The following PCDHA12 variants were observed in gnomAD, a reference collection of about 807,000 sequenced individuals.
The protein encoded by PCDHA12 is protocadherin alpha-12.
Under a neutral mutation model 60.0 loss-of-function variants are expected in PCDHA12, and 44 were observed. That is an observed-to-expected ratio of 0.73 (90% CI 0.58 to 0.94). The LOEUF is 0.94. Ranked by LOEUF, PCDHA12 falls within the 40% of genes least tolerant of loss-of-function variation. The probability of loss-of-function intolerance (pLI) is 0.00; values close to 1 mark genes in which losing one functional copy is unlikely to be tolerated. For synonymous variants in PCDHA12, 569 were observed against 553.0 expected (o/e 1.03, Z -0.40); for missense variants, 1,276 against 1,239.7 (o/e 1.03, Z -0.44).
chr5:140,934,305 A>T, intron 1 of PCDHA12, among the ~76,000 whole-genome samples: 1 of 152,150 alleles, frequency 6.6e-6, no homozygotes, highest in African/African-American at 2.4e-5. Flanking sequence ...TATTTTTCTT[A>T]CTGCAAATGT....
At chr5:140,924,507 C>T (rs2081871616) in intron 1 of PCDHA12, among the ~76,000 whole-genome samples, 1 of 152,168 alleles carries the variant, frequency 6.6e-6, no homozygotes, top group African/African-American at 2.4e-5. Context: ...CAATCCCACT[C>T]TTAGTGTTAA....
chr5:140,904,912 T>C (rs2071465626), intron 1 of PCDHA12, among the ~76,000 whole-genome samples: 1 of 152,236 alleles, frequency 6.6e-6, no homozygotes, highest in Non-Finnish European at 1.5e-5. Flanking sequence ...TACTGATTTG[T>C]TTGACTTCCT....
In PCDHA12 at chr5:141,010,171, A is replaced by G. The variant is rs2098416277; in HGVS notation, c.*234A>G. On this transcript the variant is annotated 3_prime_UTR_variant, in exon 4 of 4. Transcript: ENST00000398631. ...CCACTCTGGCTTGTTTTCAGAACCTAAAAAGCAGACCCAAGTTTCCTTTCT... is the reference window on the plus strand; with the variant it reads ...CCACTCTGGCTTGTTTTCAGAACCTGAAAAGCAGACCCAAGTTTCCTTTCT... The G allele has an allele frequency of 3.2e-6, 5 of 1,559,030 alleles. No individual in the cohort carries two copies. Among genetic ancestry groups the G allele is most frequent in the Non-Finnish European group, 4.3e-6 (5 of 1,150,704 alleles).
chr5:141,004,531 C>A (rs1051693064), intron 3 of PCDHA12, among the ~76,000 whole-genome samples: 2 of 152,234 alleles, frequency 1.3e-5, no homozygotes, highest in Admixed American at 1.3e-4. Flanking sequence ...ATACACACAG[C>A]CATTAATGTC....
At chr5:141,006,995 A>C (rs1277177404) in intron 3 of PCDHA12, among the ~76,000 whole-genome samples, 1 of 152,208 alleles carries the variant, frequency 6.6e-6, no homozygotes, top group Non-Finnish European at 1.5e-5. Flanking sequence ...TTAAAATATA[A>C]GTCTGCATCT....
chr5:140,999,812 G>A (rs1305602487), intron 3 of PCDHA12, among the ~76,000 whole-genome samples: 2 of 152,270 alleles, frequency 1.3e-5, no homozygotes, highest in East Asian at 3.9e-4. Flanking sequence ...CACAAAGCAA[G>A]AGCTGTGGCT....
rs1316774875 is a variant in PCDHA12 at position 140,883,076 on chromosome 5, G to T, written c.2367+5237G>T. The T allele has an allele frequency of 3.1e-6, 5 of 1,614,032 alleles. No homozygotes were observed. Among genetic ancestry groups the T allele is most frequent in the Middle Eastern group, 1.6e-4 (1 of 6,084 alleles). On this transcript the variant is annotated intron_variant, in intron 1 of 3. Transcript: ENST00000398631. ...GATCAAGCTAAATGCCACAGATCCT[G>T]ATGATGGTACAAATGGAGATATAGT...
intron 1 of PCDHA12, chr5:140,967,579 C>T: frequency 7.4e-6 from 12 of 1,614,154 alleles, no homozygotes; most frequent in Non-Finnish European, 9.3e-6. Context: ...AGGACTCACC[C>T]CCAGGCACAT....
chr5:140,905,632 G>A lies in PCDHA12; in HGVS notation c.2367+27793G>A, dbSNP rs146826869. 9.9e-4 allele frequency among the ~76,000 whole-genome samples: 150 copies of A among 152,224 alleles called. 1 individual carries two copies. Among genetic ancestry groups the A allele is most frequent in the African/African-American group, 3.4e-3 (141 of 41,546 alleles). ...TCTATAGATTGCTTTTGACAGTATG[G>A]TCAGTTTCACAGTATTGATTCCTGT... On this transcript the variant is annotated intron_variant, in intron 1 of 3. Transcript: ENST00000398631.
At position 140,882,742 on chromosome 5, in the gene PCDHA12, C is replaced by G. The variant is rs372229324; in HGVS notation, c.2367+4903C>G. Reference sequence around the variant, plus strand: ...CTCGATTTCCACTAGATGGCGCATCCGATGCAGATATTGGAGTAAACTCGG... The same window carrying G: ...CTCGATTTCCACTAGATGGCGCATCGGATGCAGATATTGGAGTAAACTCGG... On this transcript the variant is annotated intron_variant, in intron 1 of 3. Coordinates refer to ENST00000398631, the MANE Select transcript of PCDHA12 (RefSeq NM_018903.4). 126 of 1,614,092 alleles carry G rather than the reference C, an allele frequency of 7.8e-5. 1 individual carries two copies. The Middle Eastern group carries it at 1.6e-3, about 21-fold the overall frequency.
Position 140,980,544 on chromosome 5 carries a change from C to T in PCDHA12, c.2426+1537C>T, listed in dbSNP as rs111386744. 4.0e-3 allele frequency among the ~76,000 whole-genome samples: 611 copies of T among 152,160 alleles called. 1 individual carries two copies. The highest frequency in any genetic ancestry group is 0.013 in the African/African-American group (560 of 41,516). On this transcript the variant is annotated intron_variant, in intron 2 of 3. Coordinates refer to ENST00000398631, the MANE Select transcript of PCDHA12 (RefSeq NM_018903.4). ...ACTAGGGAGGCTGAGGCAGGAGAAT[C>T]GCTTGAACCCGGGAGGCGGAAGTTG...
intron 3 of PCDHA12, among the ~76,000 whole-genome samples, chr5:140,995,476 A>G (rs2097685199): frequency 6.6e-6 from 1 of 152,210 alleles, no homozygotes; most frequent in Non-Finnish European, 1.5e-5. Flanking sequence ...TTTTTCATTT[A>G]ATATTTTCAG....
intron 1 of PCDHA12, chr5:140,930,486 G>T (rs1211564539): frequency 6.6e-6 from 1 of 152,320 alleles, no homozygotes; most frequent in Non-Finnish European, 1.5e-5. Flanking sequence ...GCCTCCCAAA[G>T]TGCTGGGATT....
rs146340581 is a variant in PCDHA12, at chr5:140,957,263, C to T, written c.2368-21686C>T. On this transcript the variant is annotated intron_variant, in intron 1 of 3. Transcript: ENST00000398631. ...TCTACCTAAAATTTAAATATGTAAG[C>T]ACTAGTCCCCCCTTACCTGCAGTTT... Among the ~76,000 whole-genome samples, 73 of 152,260 alleles carry T rather than the reference C, an allele frequency of 4.8e-4. No homozygotes were observed. In the East Asian group the frequency reaches 0.01, roughly 22 times the overall value.
At chr5:140,932,114 G>A (rs2088047655) in intron 1 of PCDHA12, among the ~76,000 whole-genome samples, 1 of 151,738 alleles carries the variant, frequency 6.6e-6, no homozygotes. Context: ...ATTTCCAATT[G>A]ATAATATTTA....
chr5:140,932,608 T>C (rs573580763), intron 1 of PCDHA12, among the ~76,000 whole-genome samples: 1 of 151,996 alleles, frequency 6.6e-6, no homozygotes, highest in African/African-American at 2.4e-5. Flanking sequence ...TATTTTGACT[T>C]TGAAGCTGAT....
intron 1 of PCDHA12, among the ~76,000 whole-genome samples, chr5:140,911,247 A>G (rs2075389238): frequency 6.6e-6 from 1 of 152,124 alleles, no homozygotes; most frequent in Non-Finnish European, 1.5e-5. Context: ...AAAAAGTTTC[A>G]TCAGAATTTA....
chr5:140,911,165 G>A (rs931843921), intron 1 of PCDHA12, among the ~76,000 whole-genome samples: 3 of 152,178 alleles, frequency 2.0e-5, no homozygotes, highest in Non-Finnish European at 4.4e-5. Context: ...AATGTGGAAA[G>A]GCTGATGGCA....
chr5:140,953,110 G>A (rs1384996852), intron 1 of PCDHA12, among the ~76,000 whole-genome samples: 2 of 152,074 alleles, frequency 1.3e-5, no homozygotes, highest in Non-Finnish European at 2.9e-5. Flanking sequence ...ATTTGGGCAG[G>A]GACACAGATC....
Sources: allele counts gnomAD v4.1 joint callset (sites outside exome capture counted in the v4.1 genomes callset), GRCh38; gene constraint gnomAD v4.1.1; transcripts MANE v1.5; gene names NCBI Gene and HGNC (gene_info 2026-07-23, HGNC 2026-07-21).